MAN1A1: variants seen among roughly 807,000 people sequenced by gnomAD.
MAN1A1 encodes mannosidase alpha class 1A member 1, also known as mannosyl-oligosaccharide 1,2-alpha-mannosidase IA.
MAN1A1 carries 29 observed loss-of-function variants against 70.8 expected under a neutral mutation model. The ratio of observed to expected loss-of-function variants is 0.41; its 90% CI spans 0.31 to 0.56. The LOEUF is 0.56. Ranked by LOEUF, MAN1A1 falls within the 20% of genes least tolerant of loss-of-function variation. The pLI is 0.29. For missense variants in MAN1A1, 747 were observed against 841.3 expected (o/e 0.89, Z 1.39); for synonymous variants, 349 against 330.1 (o/e 1.06, Z -0.62).
chr6:119,320,242 G>T lies in MAN1A1; in HGVS notation c.604-13250C>A, dbSNP rs142295046. Among the ~76,000 whole-genome samples the T allele has an allele frequency of 5.9e-3, 894 of 152,254 alleles. 29 individuals carry two copies. The East Asian group carries it at 0.091, about 15-fold the overall frequency. On this transcript the variant is annotated intron_variant, in intron 2 of 12. Transcript: ENST00000368468. Reference sequence around the variant, plus strand: ...CTGCCTCCGCCTCCCAAAGTGCTGGGATTACAGGCATGAGCCACTGTGCCC... The same window carrying T: ...CTGCCTCCGCCTCCCAAAGTGCTGGTATTACAGGCATGAGCCACTGTGCCC...
chr6:119,243,479 A>G (rs974137941), intron 6 of MAN1A1, among the ~76,000 whole-genome samples: 1 of 152,100 alleles, frequency 6.6e-6, no homozygotes. Context: ...ATCATCTTTC[A>G]TAGTTTGTGT....
At chr6:119,224,919 G>A (rs1774463470) in intron 6 of MAN1A1, among the ~76,000 whole-genome samples, 1 of 152,068 alleles carries the variant, frequency 6.6e-6, no homozygotes, top group African/African-American at 2.4e-5. Flanking sequence ...ACAAGGTCAG[G>A]AGTTCAAGAC....
At chr6:119,286,460 GTAT>G (rs1458007618) in intron 5 of MAN1A1, among the ~76,000 whole-genome samples, 3 of 151,960 alleles carry the variant, frequency 2.0e-5, no homozygotes, top group Non-Finnish European at 4.4e-5. Context: ...AAATTTGGCA[GTAT>G]TATATTTATT....
chr6:119,242,062 C>A lies in MAN1A1; in HGVS notation c.992+6198G>T, dbSNP rs552454887. On this transcript the variant is annotated intron_variant, in intron 6 of 12. Transcript: ENST00000368468. ...ACTGATACAAAGCAACCAGAACAGT[C>A]AGACCCTTAGCAGAACAGTCCAAGA... Among the ~76,000 whole-genome samples, 5 of 151,858 alleles carry A rather than the reference C, an allele frequency of 3.3e-5. No individual in the cohort carries two copies. In the South Asian group the frequency reaches 1.0e-3, roughly 32 times the overall value.
At chr6:119,289,846 T>G (rs1209328963) in intron 5 of MAN1A1, among the ~76,000 whole-genome samples, 1 of 151,984 alleles carries the variant, frequency 6.6e-6, no homozygotes, top group Non-Finnish European at 1.5e-5. Context: ...CATGAAATAC[T>G]GGTTTGGGTA....
chr6:119,281,264 C>T (rs573836892), intron 5 of MAN1A1, among the ~76,000 whole-genome samples: 83 of 152,286 alleles, frequency 5.5e-4, no homozygotes, highest in African/African-American at 2.0e-3. Context: ...AGTTTGGGGA[C>T]TCTTGACAAA....
intron 5 of MAN1A1, among the ~76,000 whole-genome samples, chr6:119,282,073 C>CAAACAAAACA (rs373573661): frequency 6.6e-6 from 1 of 151,908 alleles, no homozygotes; most frequent in Non-Finnish European, 1.5e-5. Context: ...TCTCAGAAAA[C>CAAACAAAACA]AAACAAAACA....
intron 3 of MAN1A1, among the ~76,000 whole-genome samples, chr6:119,304,331 G>A (rs1772474381): frequency 6.6e-6 from 1 of 151,976 alleles, no homozygotes; most frequent in Non-Finnish European, 1.5e-5. Flanking sequence ...GACACTGGAG[G>A]GAATATTTTA....
chr6:119,312,956 C>T (rs1393328968), intron 2 of MAN1A1, among the ~76,000 whole-genome samples: 1 of 152,144 alleles, frequency 6.6e-6, no homozygotes, highest in Non-Finnish European at 1.5e-5. Flanking sequence ...TGTGACAGGG[C>T]ACCTGACTAG....
chr6:119,244,409 T>TA (rs1775108696), intron 6 of MAN1A1, among the ~76,000 whole-genome samples: 1 of 152,100 alleles, frequency 6.6e-6, no homozygotes, highest in Admixed American at 6.6e-5. Flanking sequence ...GGAAACATGT[T>TA]AGTCTAGTGA....
intron 2 of MAN1A1, among the ~76,000 whole-genome samples, chr6:119,320,207 C>G (rs1048110897): frequency 6.6e-6 from 1 of 152,130 alleles, no homozygotes; most frequent in South Asian, 2.1e-4. Context: ...CTCTTTACCT[C>G]GTGATCTGCC....
Position 119,349,205 on chromosome 6 carries a change from G to C in MAN1A1, c.-140C>G. 1 of 1,219,690 alleles carries C rather than the reference G, an allele frequency of 8.2e-7. No individual in the cohort carries two copies. Among genetic ancestry groups the C allele is most frequent in the Non-Finnish European group, 1.0e-6 (1 of 980,954 alleles). The allele number at this position is 1,219,690 out of a possible 1,614,324, so 75.6% of individuals were successfully genotyped here. A position where few individuals can be genotyped will look rare whatever the true frequency, so the allele number is the denominator to read the frequency against. The stretch of plus-strand genomic sequence containing the variant: ...CGGCTGGGCTGCGGATCCTCCCTGG[G>C]GGAACAACTCCGCGCCGGGTCTTCT... On this transcript the variant is annotated 5_prime_UTR_variant, in exon 2 of 13. Transcript: ENST00000368468.
intron 8 of MAN1A1, among the ~76,000 whole-genome samples, chr6:119,197,253 G>C (rs1390971314): frequency 6.7e-6 from 1 of 149,734 alleles, no homozygotes; most frequent in African/African-American, 2.5e-5. Context: ...AGGGAGCTGA[G>C]ACTGCACCAC....
At chr6:119,293,883 T>A (rs1363526081) in intron 4 of MAN1A1, among the ~76,000 whole-genome samples, 1 of 152,064 alleles carries the variant, frequency 6.6e-6, no homozygotes, top group Admixed American at 6.6e-5. Flanking sequence ...AGGTCCCAGA[T>A]AACTAATTTA....
At chr6:119,191,179 A>G (rs1773433233) in intron 9 of MAN1A1, among the ~76,000 whole-genome samples, 1 of 152,236 alleles carries the variant, frequency 6.6e-6, no homozygotes, top group African/African-American at 2.4e-5. Flanking sequence ...TATTACATTA[A>G]TATTTCATTC....
chr6:119,302,206 A>G (rs1772410906), intron 3 of MAN1A1, 103 bp from the exon 4 acceptor site: 2 of 581,068 alleles, frequency 3.4e-6, no homozygotes, highest in Middle Eastern at 3.5e-4. Flanking sequence ...GGATTTATTA[A>G]TAAGCAATAA....
intron 6 of MAN1A1, among the ~76,000 whole-genome samples, chr6:119,207,319 A>C (rs1773892323): frequency 6.6e-6 from 1 of 152,130 alleles, no homozygotes; most frequent in Non-Finnish European, 1.5e-5. Flanking sequence ...AATAGAAAGA[A>C]AACTGGATTT....
intron 5 of MAN1A1, among the ~76,000 whole-genome samples, chr6:119,287,522 A>G (rs1205232808): frequency 6.6e-6 from 1 of 151,860 alleles, no homozygotes; most frequent in Non-Finnish European, 1.5e-5. Context: ...AAATAATTCT[A>G]ATTTACTGTT....
At chr6:119,270,699 G>A (rs754680153) in intron 5 of MAN1A1, among the ~76,000 whole-genome samples, 2 of 152,244 alleles carry the variant, frequency 1.3e-5, no homozygotes, top group Admixed American at 6.5e-5. Context: ...ACAATAGCCC[G>A]CTTGTGTCAT....
Sources: gnomAD v4.1 joint callset for allele counts (sites outside exome capture counted in the v4.1 genomes callset) on GRCh38, gnomAD v4.1.1 for gene constraint, MANE v1.5 for transcripts, NCBI Gene and HGNC (gene_info 2026-07-23, HGNC 2026-07-21) for gene names.